Variants in KCTD1 observed in about 807,000 individuals in gnomAD.
KCTD1 encodes BTB/POZ domain-containing protein KCTD1.
A neutral mutation model predicts 66.0 loss-of-function variants in KCTD1; 24 were observed. The observed-to-expected ratio is 0.36, with a 90% CI of 0.26 to 0.51. KCTD1 has a LOEUF of 0.51. Among genes scored for constraint, KCTD1 ranks in the 20% least tolerant of loss-of-function variants. The probability of loss-of-function intolerance (pLI) is 0.95; values close to 1 mark genes in which losing one functional copy is unlikely to be tolerated. For synonymous variants in KCTD1, 511 were observed against 517.2 expected (o/e 0.99, Z 0.16); for missense variants, 943 against 1,205.2 (o/e 0.78, Z 3.22).
intron 1 of KCTD1, among the ~76,000 whole-genome samples, chr18:26,600,491 G>GC (rs1986867788): frequency 8.2e-6 from 1 of 121,920 alleles, no homozygotes; most frequent in Non-Finnish European, 1.9e-5. Context: ...GAAGCTGGCT[G>GC]GGGGGGGTGC....
intron 2 of KCTD1, among the ~76,000 whole-genome samples, chr18:26,481,985 C>T (rs1981674822): frequency 6.6e-6 from 1 of 152,196 alleles, no homozygotes; most frequent in Non-Finnish European, 1.5e-5. Context: ...AGTGTCAGAG[C>T]ATACTTTCTT....
At chr18:26,545,758 C>T (rs1406838696) in intron 1 of KCTD1, 1 of 152,024 alleles carries the variant, frequency 6.6e-6, no homozygotes. Context: ...TAATAATACT[C>T]ACGAAAATAC....
intron 1 of KCTD1, among the ~76,000 whole-genome samples, chr18:26,588,335 G>T (rs991410942): frequency 1.6e-5 from 2 of 128,562 alleles, no homozygotes; most frequent in Admixed American, 1.5e-4. Flanking sequence ...AAAGGGAGGG[G>T]AGGGGAGTGG....
chr18:26,472,138 G>C (rs1981101140), intron 3 of KCTD1, among the ~76,000 whole-genome samples: 1 of 152,084 alleles, frequency 6.6e-6, no homozygotes, highest in African/African-American at 2.4e-5. Context: ...GTGGCAGAGG[G>C]GGAGGCAGAC....
chr18:26,547,170 A>T lies in KCTD1; in HGVS notation c.1367T>A (p.Val456Asp). The change falls in exon 1 of 5, where the codon GTC becomes GAC. Residue 456 changes from valine (V) to aspartate (D), a missense_variant. Physicochemically the swap from Val to Asp is radical, Grantham distance 152. Coordinates refer to ENST00000580059, the MANE Select transcript of KCTD1 (RefSeq NM_001142730.3). Reference sequence around the variant, plus strand: ...GATGCTGTTGAGCGTGGCGATGGAGACGGCGCCGATGCAGTGGTTGGTGTA... The same window carrying T: ...GATGCTGTTGAGCGTGGCGATGGAGTCGGCGCCGATGCAGTGGTTGGTGTA... ...KTYTNHCIGA[V>D]SIATLNSIAG... 6.4e-7 allele frequency: 1 copy of T among 1,551,074 alleles called. No individual in the cohort carries two copies. The highest frequency in any genetic ancestry group is 8.7e-7 in the Non-Finnish European group (1 of 1,146,986).
chr18:26,549,454 G>C, upstream of KCTD1: 1 of 985,608 alleles, frequency 1.0e-6, no homozygotes, highest in Non-Finnish European at 1.2e-6. Context: ...GGGAAGGAGC[G>C]AGGCAGAGAA....
chr18:26,494,573 T>C (rs1238388940), intron 2 of KCTD1, among the ~76,000 whole-genome samples: 1 of 152,216 alleles, frequency 6.6e-6, no homozygotes, highest in Non-Finnish European at 1.5e-5. Flanking sequence ...GGACTGGCTT[T>C]TCAGCACTAA....
chr18:26,563,249 G>A (rs1598942978), intron 1 of KCTD1, among the ~76,000 whole-genome samples: 2 of 152,280 alleles, frequency 1.3e-5, no homozygotes, highest in East Asian at 3.9e-4. Flanking sequence ...ACGTGTCCAG[G>A]CTGAGTTTAG....
At chr18:26,503,274 A>G (rs978366182) in intron 1 of KCTD1, among the ~76,000 whole-genome samples, 2 of 152,246 alleles carry the variant, frequency 1.3e-5, no homozygotes, top group Non-Finnish European at 2.9e-5. Context: ...TAACACACAA[A>G]GAAGAGGAGT....
At chr18:26,640,640 T>G (rs2145061958), upstream of KCTD1, among the ~76,000 whole-genome samples, 1 of 152,238 alleles carries the variant, frequency 6.6e-6, no homozygotes, top group Admixed American at 6.5e-5. Flanking sequence ...ATGGGGATTC[T>G]GTACTGAGCA....
chr18:26,625,921 C>A (rs1344713016), intron 1 of KCTD1, among the ~76,000 whole-genome samples: 1 of 152,110 alleles, frequency 6.6e-6, no homozygotes, highest in Non-Finnish European at 1.5e-5. Flanking sequence ...TTGGAGAGAG[C>A]ATGCAGAGTG....
At chr18:26,605,724 A>ATAACTATC (rs1555646504) in intron 1 of KCTD1, among the ~76,000 whole-genome samples, 1 of 136,044 alleles carries the variant, frequency 7.4e-6, no homozygotes, top group East Asian at 2.2e-4. Flanking sequence ...ATATATCTCT[A>ATAACTATC]TATCTATCTA....
intron 1 of KCTD1, among the ~76,000 whole-genome samples, chr18:26,592,245 T>C (rs141208855): frequency 3.6e-3 from 547 of 152,350 alleles, no homozygotes; most frequent in African/African-American, 0.013. Flanking sequence ...TAGAAACAGT[T>C]TTTTTCTTTA....
At chr18:26,479,026 TG>T (rs1981488657) in intron 2 of KCTD1, among the ~76,000 whole-genome samples, 1 of 152,242 alleles carries the variant, frequency 6.6e-6, no homozygotes, top group Non-Finnish European at 1.5e-5. Context: ...GTCATTTAAA[TG>T]GTTTTTAAGA....
chr18:26,600,474 A>G, intron 1 of KCTD1: 1 of 641,428 alleles, frequency 1.6e-6, no homozygotes, highest in Non-Finnish European at 2.8e-6. Flanking sequence ...TGCTTAGCAG[A>G]CAGAGTGAAG....
chr18:26,463,368 G>A (rs1364962532), intron 3 of KCTD1, among the ~76,000 whole-genome samples: 2 of 151,458 alleles, frequency 1.3e-5, no homozygotes, highest in African/African-American at 2.4e-5. Context: ...AGTGAGCTAT[G>A]TTTGCATCAC....
In KCTD1 at chr18:26,547,745, G is replaced by T; in HGVS notation, c.792C>A (p.Ala264=). The change falls in exon 1 of 5, where the codon GCC becomes GCA. Residue 264 remains alanine (A), a synonymous_variant. Transcript: ENST00000580059. The part of the protein sequence containing the change: ...PELRSANLTL[A]AVIRKLEEQG... ...GCTCCTCGAGCTTGCGGATGACCGC[G>T]GCCAGCGTCAGGTTGGCGCTGCGCA... 6.5e-7 allele frequency: 1 copy of T among 1,545,204 alleles called. No individual in the cohort carries two copies. Among genetic ancestry groups the T allele is most frequent in the Non-Finnish European group, 8.7e-7 (1 of 1,146,668 alleles).
intron 1 of KCTD1, among the ~76,000 whole-genome samples, chr18:26,538,947 G>A (rs1267380639): frequency 6.6e-6 from 1 of 152,202 alleles, no homozygotes; most frequent in Admixed American, 6.5e-5. Context: ...GCCACACACC[G>A]GAAACATTCT....
In KCTD1 at chr18:26,547,117, G is replaced by A. The variant is rs1314013398; in HGVS notation, c.1420C>T (p.Pro474Ser). ...IAGIGTKLGS[P>S]APQGCYAEAL... ...TCGGCGTAGCAGCCCTGCGGGGCGG[G>A]CGAGCCCAGCTTGGTGCCAATGCCC... is the stretch of plus-strand genomic sequence containing the variant. The change falls in exon 1 of 5, where the codon CCC becomes TCC. Residue 474 changes from proline to serine, a missense_variant. Pro to Ser is a moderately conservative substitution (Grantham distance 74, BLOSUM62 -1). Transcript: ENST00000580059. 2.6e-6 allele frequency: 4 copies of A among 1,549,710 alleles called. No individual in the cohort carries two copies. In the African/African-American group the frequency reaches 5.5e-5, roughly 21 times the overall value.
Sources: allele counts gnomAD v4.1 joint callset (sites outside exome capture counted in the v4.1 genomes callset), GRCh38; gene constraint gnomAD v4.1.1; transcripts MANE v1.5; gene names NCBI Gene and HGNC (gene_info 2026-07-23, HGNC 2026-07-21).